UPP2: variants seen among roughly 807,000 people sequenced by gnomAD.
UPP2 encodes the protein UPase 2.
A neutral mutation model predicts 26.7 loss-of-function variants in UPP2; 23 were observed. That is an observed-to-expected ratio of 0.86 (90% CI 0.62 to 1.22). The LOEUF (loss-of-function observed/expected upper bound fraction) is 1.22. Among genes scored for constraint, UPP2 ranks in the 50% most tolerant of loss-of-function variants. The pLI is 0.00. For synonymous variants in UPP2, 127 were observed against 141.3 expected, an observed-to-expected ratio of 0.90 and a Z score of 0.72; for missense variants, 387 against 396.7, an observed-to-expected ratio of 0.98 and a Z score of 0.21.
intron 3 of UPP2, among the ~76,000 whole-genome samples, chr2:158,017,591 A>G (rs182535275): frequency 6.6e-6 from 1 of 152,338 alleles, no homozygotes; most frequent in East Asian, 1.9e-4. Context: ...ATAGAAACAT[A>G]AAGTCAAATC....
At chr2:158,016,254 T>C (rs1466884884) in intron 3 of UPP2, among the ~76,000 whole-genome samples, 1 of 152,164 alleles carries the variant, frequency 6.6e-6, no homozygotes, top group African/African-American at 2.4e-5. Context: ...TTGAATACTT[T>C]ATAGGGATCA....
intron 3 of UPP2, among the ~76,000 whole-genome samples, chr2:158,061,220 T>C (rs530994759): frequency 1.3e-5 from 2 of 152,358 alleles, no homozygotes; most frequent in South Asian, 4.1e-4. Flanking sequence ...TTGATCTATC[T>C]TCCCATGTGG....
chr2:158,000,826 A>C (rs1683393426), intron 2 of UPP2, among the ~76,000 whole-genome samples: 1 of 152,248 alleles, frequency 6.6e-6, no homozygotes, highest in Non-Finnish European at 1.5e-5. Context: ...AAGATGCTGA[A>C]GGAGGGAATT....
chr2:158,020,556 A>T (rs1683733369), intron 3 of UPP2, among the ~76,000 whole-genome samples: 1 of 152,190 alleles, frequency 6.6e-6, no homozygotes, highest in Admixed American at 6.5e-5. Flanking sequence ...CCCACTGCTC[A>T]CACTCCCTGA....
chr2:158,110,269 C>T (rs1683288796), intron 2 of UPP2, among the ~76,000 whole-genome samples: 1 of 152,010 alleles, frequency 6.6e-6, no homozygotes, highest in Admixed American at 6.6e-5. Context: ...GTTTTTTGTC[C>T]TTGTGATAGT....
At chr2:158,094,432 T>C (rs1430082413) in intron 3 of UPP2, among the ~76,000 whole-genome samples, 1 of 152,216 alleles carries the variant, frequency 6.6e-6, no homozygotes, top group Non-Finnish European at 1.5e-5. Context: ...TCTGTTTAGT[T>C]ACTTTAAATA....
chr2:158,075,259 T>G (rs1189834148), intron 3 of UPP2, among the ~76,000 whole-genome samples: 1 of 152,054 alleles, frequency 6.6e-6, no homozygotes, highest in Non-Finnish European at 1.5e-5. Flanking sequence ...TAATCTGTAC[T>G]GTAGAACAAA....
At chr2:158,107,624 G>A (rs1683223062) in intron 2 of UPP2, among the ~76,000 whole-genome samples, 1 of 152,012 alleles carries the variant, frequency 6.6e-6, no homozygotes, top group Non-Finnish European at 1.5e-5. Flanking sequence ...GGAGGCAGAG[G>A]AAAAGGAAGG....
At chr2:158,082,524 G>A (rs1344995652) in intron 3 of UPP2, among the ~76,000 whole-genome samples, 2 of 152,080 alleles carry the variant, frequency 1.3e-5, no homozygotes, top group African/African-American at 4.8e-5. Flanking sequence ...AACTGAAACT[G>A]GACCCCTTCC....
intron 3 of UPP2, among the ~76,000 whole-genome samples, chr2:158,078,871 A>G (rs906669179): frequency 1.3e-4 from 20 of 152,128 alleles, no homozygotes; most frequent in Non-Finnish European, 2.6e-4. Context: ...TGTCTGTACC[A>G]AAGTATCTCA....
At chr2:158,064,203 G>T (rs894668420) in intron 3 of UPP2, among the ~76,000 whole-genome samples, 2 of 152,212 alleles carry the variant, frequency 1.3e-5, no homozygotes, top group African/African-American at 4.8e-5. Context: ...CTAGTTTACA[G>T]TCCCACCAAC....
rs373546676 is a variant in UPP2 at position 158,135,154 on chromosome 2, A to G, written c.*264A>G. ...AAAACTCCTGGATTATGACATTTGG[A>G]GTTTCATATGCAGCATTAATTAAGC... On this transcript the variant is annotated 3_prime_UTR_variant, in exon 7 of 7. Transcript: ENST00000005756. The G allele has an allele frequency of 1.6e-5, 5 of 308,668 alleles. No individual in the cohort carries two copies. In the South Asian group the frequency reaches 3.1e-4, roughly 19 times the overall value. The allele number at this position is 308,668 out of a possible 1,614,324, so 19.1% of individuals were successfully genotyped here. A position where few individuals can be genotyped will look rare whatever the true frequency, so the allele number is the denominator to read the frequency against.
intron 3 of UPP2, among the ~76,000 whole-genome samples, chr2:158,052,351 A>G (rs1326371661): frequency 6.6e-6 from 1 of 152,236 alleles, no homozygotes; most frequent in East Asian, 1.9e-4. Context: ...AGTAGAAAGT[A>G]TGATGGTGGC....
intron 3 of UPP2, among the ~76,000 whole-genome samples, chr2:158,073,638 C>A (rs1328606122): frequency 6.6e-6 from 1 of 152,264 alleles, no homozygotes; most frequent in East Asian, 1.9e-4. Flanking sequence ...CATCTGGCAG[C>A]AGACTTTTCA....
At chr2:158,042,439 G>T (rs1407194938) in intron 3 of UPP2, among the ~76,000 whole-genome samples, 1 of 152,046 alleles carries the variant, frequency 6.6e-6, no homozygotes, top group Non-Finnish European at 1.5e-5. Context: ...CTTAAAACAA[G>T]CTCCACCTTC....
chr2:158,017,500 C>T (rs1003160290), intron 3 of UPP2, among the ~76,000 whole-genome samples: 1 of 152,156 alleles, frequency 6.6e-6, no homozygotes, highest in Non-Finnish European at 1.5e-5. Context: ...CTAGAAGTAA[C>T]TAAGTTTTAC....
At chr2:158,048,310 A>G (rs1220381219) in intron 3 of UPP2, among the ~76,000 whole-genome samples, 1 of 152,208 alleles carries the variant, frequency 6.6e-6, no homozygotes, top group Non-Finnish European at 1.5e-5. Context: ...GCTCAGGAAA[A>G]CAAAAGAAAC....
At chr2:158,125,117 G>A (rs1008036650) in intron 6 of UPP2, among the ~76,000 whole-genome samples, 3 of 152,180 alleles carry the variant, frequency 2.0e-5, no homozygotes, top group Non-Finnish European at 2.9e-5. Flanking sequence ...GGGAAGTGTG[G>A]CATCCTGATA....
upstream of UPP2, among the ~76,000 whole-genome samples, chr2:158,097,499 G>C (rs992316444): frequency 6.6e-6 from 1 of 152,090 alleles, no homozygotes; most frequent in Non-Finnish European, 1.5e-5. Context: ...TCAATGCCTT[G>C]TGGGTCCTGG....
Sources: gnomAD v4.1 joint callset for allele counts (sites outside exome capture counted in the v4.1 genomes callset) on GRCh38, gnomAD v4.1.1 for gene constraint, MANE v1.5 for transcripts, NCBI Gene and HGNC (gene_info 2026-07-23, HGNC 2026-07-21) for gene names.